Variants in ROBO2 observed in about 807,000 individuals in gnomAD.
ROBO2 encodes roundabout homolog 2.
ROBO2 carries 53 observed loss-of-function variants against 160.8 expected under a neutral mutation model. The observed-to-expected ratio is 0.33, with a 90% confidence interval of 0.26 to 0.41. ROBO2 has a LOEUF of 0.41. ROBO2 is among the 10% of genes least tolerant of loss of function. The pLI, the probability that ROBO2 is intolerant of heterozygous loss-of-function variation, is 1.00. For missense variants in ROBO2, 1,577 were observed against 1,722.4 expected, an observed-to-expected ratio of 0.92 and a Z score of 1.49; for synonymous variants, 664 against 611.7, an observed-to-expected ratio of 1.09 and a Z score of -1.26.
chr3:77,048,421 C>T (rs549638082), intron 1 of ROBO2, among the ~76,000 whole-genome samples: 13 of 152,096 alleles, frequency 8.5e-5, no homozygotes, highest in East Asian at 7.8e-4. Flanking sequence ...AAAGGTGCGA[C>T]GAATGAAGAT....
intron 2 of ROBO2, among the ~76,000 whole-genome samples, chr3:76,147,777 A>G (rs540303184): frequency 7.2e-4 from 109 of 151,944 alleles, no homozygotes; most frequent in African/African-American, 2.3e-3. Context: ...AATTGGGGTC[A>G]TTGGTCAGGG....
At chr3:77,645,733 T>C (rs1179043003) in intron 25 of ROBO2, among the ~76,000 whole-genome samples, 1 of 152,308 alleles carries the variant, frequency 6.6e-6, no homozygotes, top group East Asian at 1.9e-4. Flanking sequence ...CTATTGCTAA[T>C]CTATTATTAA....
intron 2 of ROBO2, among the ~76,000 whole-genome samples, chr3:76,329,151 C>G (rs532779094): frequency 6.6e-6 from 1 of 152,010 alleles, no homozygotes; most frequent in Non-Finnish European, 1.5e-5. Context: ...CCCCAAGTCC[C>G]CCACGGAGAG....
intron 2 of ROBO2, among the ~76,000 whole-genome samples, chr3:77,383,478 G>A (rs2073771391): frequency 6.6e-6 from 1 of 151,894 alleles, no homozygotes; most frequent in Admixed American, 6.6e-5. Context: ...GTCATTGCAG[G>A]AATGGAAGTT....
At position 77,197,722 on chromosome 3, in the gene ROBO2, C is replaced by T. The variant is rs146746643; in HGVS notation, c.388+99382C>T. Reference sequence around the variant, plus strand: ...TATCCATGTTCTAATTCCCAGAAACCGTGAACTGTTATTTTATGGCTCAAA... The same window carrying T: ...TATCCATGTTCTAATTCCCAGAAACTGTGAACTGTTATTTTATGGCTCAAA... On this transcript the variant is annotated intron_variant, in intron 2 of 25. Coordinates refer to ENST00000461745, the Ensembl canonical transcript of ROBO2. 2.1e-3 allele frequency among the ~76,000 whole-genome samples: 322 copies of T among 152,238 alleles called. 1 individual carries two copies. Among genetic ancestry groups the T allele is most frequent in the African/African-American group, 7.0e-3 (290 of 41,526 alleles).
At chr3:76,287,957 G>T (rs1016041874) in intron 2 of ROBO2, among the ~76,000 whole-genome samples, 3 of 106,126 alleles carry the variant, frequency 2.8e-5, no homozygotes, top group Non-Finnish European at 5.0e-5. Flanking sequence ...TTCCATTTAG[G>T]CTAGAAGAAA....
At chr3:76,250,301 G>A (rs6549852) in intron 2 of ROBO2, among the ~76,000 whole-genome samples, 113,699 of 151,980 alleles carry the variant, frequency 0.75, 43,894 homozygotes, top group Non-Finnish European at 0.86. Flanking sequence ...ATTACTTGAT[G>A]ATCCTTTTGG....
chr3:77,513,509 T>C (rs2153618349), intron 5 of ROBO2, among the ~76,000 whole-genome samples: 1 of 152,054 alleles, frequency 6.6e-6, no homozygotes, highest in East Asian at 1.9e-4. Context: ...TTTTAGAGTG[T>C]AGTACTTTTT....
intron 2 of ROBO2, among the ~76,000 whole-genome samples, chr3:77,187,890 A>T (rs2081424495): frequency 6.6e-6 from 1 of 151,936 alleles, no homozygotes; most frequent in South Asian, 2.1e-4. Context: ...TTTAAAACTC[A>T]GTAAGGGATG....
intron 2 of ROBO2, among the ~76,000 whole-genome samples, chr3:76,096,048 T>C (rs2069438061): frequency 6.6e-6 from 1 of 152,156 alleles, no homozygotes; most frequent in South Asian, 2.1e-4. Flanking sequence ...AAATAACCTT[T>C]ATCTCTAAGG....
chr3:76,671,187 A>T (rs2092249141), intron 2 of ROBO2, among the ~76,000 whole-genome samples: 1 of 152,134 alleles, frequency 6.6e-6, no homozygotes, highest in Non-Finnish European at 1.5e-5. Context: ...TAAAATTTAC[A>T]TATATTACTC....
At chr3:76,772,604 G>T (rs1360850550) in intron 2 of ROBO2, among the ~76,000 whole-genome samples, 1 of 148,380 alleles carries the variant, frequency 6.7e-6, no homozygotes, top group Non-Finnish European at 1.5e-5. Flanking sequence ...TTTATTTTAA[G>T]TTTACTTTGT....
chr3:76,359,235 G>A (rs1402662933), intron 2 of ROBO2, among the ~76,000 whole-genome samples: 5 of 151,790 alleles, frequency 3.3e-5, no homozygotes, highest in African/African-American at 9.7e-5. Flanking sequence ...ATAAACATAC[G>A]TGTGCATGTG....
At chr3:77,220,387 A>C (rs1312010233) in intron 2 of ROBO2, among the ~76,000 whole-genome samples, 1 of 152,196 alleles carries the variant, frequency 6.6e-6, no homozygotes, top group Admixed American at 6.5e-5. Flanking sequence ...ACTGCAAATG[A>C]AAATATAGAC....
chr3:77,222,480 T>A (rs1467878206), intron 2 of ROBO2, among the ~76,000 whole-genome samples: 2 of 152,160 alleles, frequency 1.3e-5, no homozygotes, highest in South Asian at 2.1e-4. Flanking sequence ...GACTTTTTTT[T>A]AAATGGAAAC....
At chr3:75,935,598 A>C (rs1947738138) in intron 1 of ROBO2, among the ~76,000 whole-genome samples, 1 of 152,200 alleles carries the variant, frequency 6.6e-6, no homozygotes, top group African/African-American at 2.4e-5. Flanking sequence ...TATATGTATG[A>C]TAAAATATAC....
chr3:77,605,383 G>A (rs1486196563), intron 20 of ROBO2, among the ~76,000 whole-genome samples: 1 of 151,982 alleles, frequency 6.6e-6, no homozygotes, highest in Non-Finnish European at 1.5e-5. Context: ...AATGTAAGTG[G>A]CTTTGGTTCT....
chr3:77,431,224 T>C (rs1488419864), intron 2 of ROBO2, among the ~76,000 whole-genome samples: 1 of 152,158 alleles, frequency 6.6e-6, no homozygotes. Context: ...TCAATTACAA[T>C]GTTACAATCC....
chr3:77,640,410 G>A (rs529605932), intron 24 of ROBO2, among the ~76,000 whole-genome samples: 6 of 152,238 alleles, frequency 3.9e-5, no homozygotes, highest in South Asian at 2.1e-4. Context: ...CACTGCGCCC[G>A]GCCGCATATT....
Sources: allele counts gnomAD v4.1 joint callset (sites outside exome capture counted in the v4.1 genomes callset), GRCh38; gene constraint gnomAD v4.1.1; transcripts MANE v1.5; gene names NCBI Gene and HGNC (gene_info 2026-07-23, HGNC 2026-07-21).